SENP7: variants seen among roughly 807,000 people sequenced by gnomAD.
SENP7 encodes sentrin-specific protease 7.
Under a neutral mutation model 141.2 loss-of-function variants are expected in SENP7, and 64 were observed. The observed-to-expected ratio is 0.45, with a 90% CI of 0.37 to 0.56. SENP7 has a LOEUF of 0.56. Among genes scored for constraint, SENP7 ranks in the 20% least tolerant of loss-of-function variants. The pLI is 0.00. For synonymous variants in SENP7, 382 were observed against 426.4 expected, an observed-to-expected ratio of 0.90 and a Z score of 1.28; for missense variants, 1,025 against 1,212.2, an observed-to-expected ratio of 0.85 and a Z score of 2.29.
At chr3:101,480,451 GA>G (rs2064421450) in intron 3 of SENP7, among the ~76,000 whole-genome samples, 1 of 152,124 alleles carries the variant, frequency 6.6e-6, no homozygotes. Context: ...ATGGTGCTGA[GA>G]AAACAGGATA....
At chr3:101,513,051 A>T (rs9682156) in intron 1 of SENP7, 40 bp downstream of exon 1, 296,340 of 1,602,462 alleles carry the variant, frequency 0.18, 31,759 homozygotes, top group Admixed American at 0.45. Flanking sequence ...TCCCCCGGGT[A>T]GGAGACAATA....
rs530809075 is a variant in SENP7, at chr3:101,485,157, T to C, written c.186+8716A>G. Among the ~76,000 whole-genome samples the C allele has an allele frequency of 6.2e-4, 94 of 152,170 alleles. No homozygotes were observed. In the South Asian group the frequency reaches 0.019, roughly 31 times the overall value. On this transcript the variant is annotated intron_variant, in intron 3 of 23. Coordinates refer to ENST00000394095, the MANE Select transcript of SENP7 (RefSeq NM_020654.5). ...CACGCCTAGCCCCACCTCCACCTGA[T>C]GGTCCTTCCCTATCCACCCTGGTAG...
chr3:101,385,031 T>C (rs191731611), intron 6 of SENP7, among the ~76,000 whole-genome samples: 24 of 152,328 alleles, frequency 1.6e-4, no homozygotes, highest in Admixed American at 1.5e-3. Flanking sequence ...AAAACAATTA[T>C]ATATTTTTGC....
chr3:101,400,996 G>A (rs567391070), intron 5 of SENP7, among the ~76,000 whole-genome samples: 17 of 152,022 alleles, frequency 1.1e-4, no homozygotes, highest in Middle Eastern at 3.4e-3. Flanking sequence ...TACTTGGGAA[G>A]CTGAGAGAGG....
At chr3:101,420,589 A>C (rs1246520193) in intron 4 of SENP7, among the ~76,000 whole-genome samples, 1 of 152,234 alleles carries the variant, frequency 6.6e-6, no homozygotes, top group East Asian at 1.9e-4. Flanking sequence ...AAAGAAGAAA[A>C]GGTGTCTTTA....
chr3:101,365,672 A>C (rs1157007787), intron 9 of SENP7, among the ~76,000 whole-genome samples: 1 of 151,374 alleles, frequency 6.6e-6, no homozygotes, highest in Non-Finnish European at 1.5e-5. Flanking sequence ...TTTCTAATTA[A>C]TGCAATTTAT....
rs762201367 is a variant in SENP7 at position 101,501,088 on chromosome 3, T to C, written c.72A>G (p.Ser24=). 18 of 1,607,132 alleles carry C rather than the reference T, an allele frequency of 1.1e-5. No homozygotes were observed. The African/African-American group carries it at 2.0e-4, about 18-fold the overall frequency. Residue 24 remains serine (S), a synonymous_variant, in exon 2 of 24, where the codon TCA becomes TCG. Coordinates refer to ENST00000394095, the MANE Select transcript of SENP7 (RefSeq NM_020654.5). ...TGCATACCTCCGATAAATCAGAAGA[T>C]GACTTTTTCCTTTTTCCTTCTGTGA... is the stretch of plus-strand genomic sequence containing the variant. ...EIITEGKRKK[S]SSDLSEIRKM...
intron 4 of SENP7, among the ~76,000 whole-genome samples, chr3:101,436,115 A>C (rs2062377500): frequency 6.6e-6 from 1 of 152,194 alleles, no homozygotes; most frequent in Middle Eastern, 3.4e-3. Flanking sequence ...CCAGAAACAA[A>C]CCCATACACC....
In SENP7 at chr3:101,341,764, C is replaced by T. The variant is rs2059332947; in HGVS notation, c.2122G>A (p.Ala708Thr). The T allele has an allele frequency of 2.5e-6, 4 of 1,603,566 alleles. No individual in the cohort carries two copies. Among genetic ancestry groups the T allele is most frequent in the Non-Finnish European group, 3.4e-6 (4 of 1,172,012 alleles). The change falls in exon 15 of 24, where the codon GCG becomes ACG. Residue 708 changes from alanine (A) to threonine (T), a missense_variant. Transcript: ENST00000394095. Reference protein sequence around the residue: ...KSVSQPSNTDAAKPTYTFLQK... With the variant: ...KSVSQPSNTDTAKPTYTFLQK... ...AGGAAGGTGTAAGTAGGCTTGGCCG[C>T]ATCTGTGTTTGAGGGCTGACAGAAA... is the stretch of plus-strand genomic sequence containing the variant.
At chr3:101,475,425 C>A (rs1406368914) in intron 3 of SENP7, among the ~76,000 whole-genome samples, 3 of 152,180 alleles carry the variant, frequency 2.0e-5, no homozygotes, top group African/African-American at 7.2e-5. Context: ...GAGCTGGAAG[C>A]CGTTATCCTC....
intron 1 of SENP7, among the ~76,000 whole-genome samples, chr3:101,503,924 C>T (rs2065488049): frequency 6.6e-6 from 1 of 150,554 alleles, no homozygotes; most frequent in African/African-American, 2.4e-5. Context: ...CCAGCCTGGG[C>T]AACAGAGCAA....
At chr3:101,427,704 A>T (rs2062012481) in intron 4 of SENP7, among the ~76,000 whole-genome samples, 1 of 150,706 alleles carries the variant, frequency 6.6e-6, no homozygotes, top group Non-Finnish European at 1.5e-5. Context: ...TTTTTTATTT[A>T]TTATTATTAT....
intron 3 of SENP7, among the ~76,000 whole-genome samples, chr3:101,479,892 C>CAAAAAAA (rs1168285268): frequency 1.2e-3 from 9 of 7,348 alleles, no homozygotes; most frequent in South Asian, 6.9e-3. Flanking sequence ...ACAACAGCTA[C>CAAAAAAA]AAAAAAAAAA....
At chr3:101,390,232 A>AC (rs934699495) in intron 6 of SENP7, among the ~76,000 whole-genome samples, 3 of 146,810 alleles carry the variant, frequency 2.0e-5, no homozygotes, top group African/African-American at 7.3e-5. Flanking sequence ...AAAAAAAAAA[A>AC]AAAAAAAAAA....
chr3:101,325,209 T>TATTTTGCA lies in SENP7; in HGVS notation c.*726_*733dup, dbSNP rs1467035864. On this transcript the variant is annotated 3_prime_UTR_variant, in exon 24 of 24. Coordinates refer to ENST00000394095, the MANE Select transcript of SENP7 (RefSeq NM_020654.5). The stretch of plus-strand genomic sequence containing the variant: ...GCTACATGTATAATTTTTAAAAAAC[T>TATTTTGCA]ATTTTGCACAGGTAAAATTTTTTGT... 4 of 152,110 alleles carry TATTTTGCA rather than the reference T, an allele frequency of 2.6e-5. No homozygotes were observed. In the East Asian group the frequency reaches 7.7e-4, roughly 29 times the overall value. The allele number at this position is 152,110 out of a possible 1,614,324, so 9.4% of individuals were successfully genotyped here. A position where few individuals can be genotyped will look rare whatever the true frequency, so the allele number is the denominator to read the frequency against.
intron 6 of SENP7, among the ~76,000 whole-genome samples, chr3:101,386,717 G>A (rs1433938022): frequency 6.6e-6 from 1 of 152,212 alleles, no homozygotes; most frequent in African/African-American, 2.4e-5. Context: ...GTTGCCCCCA[G>A]GACAAAAGGA....
chr3:101,451,664 C>T (rs1033862428), intron 4 of SENP7, among the ~76,000 whole-genome samples: 1 of 151,900 alleles, frequency 6.6e-6, no homozygotes, highest in Non-Finnish European at 1.5e-5. Flanking sequence ...AAATTAAAAA[C>T]CTTCATGCCA....
rs2059071137 is a variant in SENP7, at chr3:101,332,078, G to C, written c.2605C>G (p.Pro869Ala). 1 of 1,613,040 alleles carries C rather than the reference G, an allele frequency of 6.2e-7. No homozygotes were observed. The highest frequency in any genetic ancestry group is 1.7e-5 in the Admixed American group (1 of 59,890). Residue 869 changes from proline to alanine, a missense_variant, in exon 19 of 24, where the codon CCA (proline) becomes GCA (alanine). Physicochemically the swap from Pro to Ala is conservative, Grantham distance 27 (BLOSUM62 -1). Transcript: ENST00000394095. Reference sequence around the variant, plus strand: ...TCATACACAGCTTCTTCTAACCATGGAAAACAAATGACTGCGAGATACCAG... The same window carrying C: ...TCATACACAGCTTCTTCTAACCATGCAAAACAAATGACTGCGAGATACCAG... ...SHWYLAVICF[P>A]WLEEAVYEDF...
At chr3:101,488,021 T>C (rs2064802417) in intron 3 of SENP7, among the ~76,000 whole-genome samples, 2 of 152,210 alleles carry the variant, frequency 1.3e-5, no homozygotes, top group African/African-American at 4.8e-5. Flanking sequence ...ATGATAGGAA[T>C]AGCATTGAAT....
Sources: gnomAD v4.1 joint callset for allele counts (sites outside exome capture counted in the v4.1 genomes callset) on GRCh38, gnomAD v4.1.1 for gene constraint, MANE v1.5 for transcripts, NCBI Gene and HGNC (gene_info 2026-07-23, HGNC 2026-07-21) for gene names.